CHRM3: variants seen among roughly 807,000 people sequenced by gnomAD.
The protein encoded by CHRM3 is cholinergic receptor muscarinic 3.
Under a neutral mutation model 41.8 loss-of-function variants are expected in CHRM3, and 11 were observed. The ratio of observed to expected loss-of-function variants is 0.26; its 90% CI spans 0.17 to 0.44. The LOEUF (loss-of-function observed/expected upper bound fraction) is 0.44, where lower values mean the gene tolerates loss of function less well. Among genes scored for constraint, CHRM3 ranks in the 20% least tolerant of loss-of-function variants. CHRM3 has a pLI of 1.00. For synonymous variants in CHRM3, 297 were observed against 301.4 expected (o/e 0.99, Z 0.15); for missense variants, 571 against 745.4 (o/e 0.77, Z 2.72).
chr1:239,513,728 C>T (rs551831335), intron 2 of CHRM3, among the ~76,000 whole-genome samples: 146 of 152,106 alleles, frequency 9.6e-4, no homozygotes, highest in African/African-American at 3.2e-3. Context: ...AGAGTTTCTC[C>T]GTTGTTATCT....
At chr1:239,740,961 G>T (rs1220913320) in intron 5 of CHRM3, among the ~76,000 whole-genome samples, 1 of 152,046 alleles carries the variant, frequency 6.6e-6, no homozygotes, top group African/African-American at 2.4e-5. Flanking sequence ...GATTCTCTTA[G>T]CTTAATCTCA....
intron 5 of CHRM3, among the ~76,000 whole-genome samples, chr1:239,683,392 CAG>C (rs71772706): frequency 2.6e-5 from 4 of 151,542 alleles, no homozygotes; most frequent in East Asian, 1.9e-4. Flanking sequence ...TCTGCTGAAG[CAG>C]AGAGAGAGAG....
intron 3 of CHRM3, among the ~76,000 whole-genome samples, chr1:239,612,029 T>C (rs1053461868): frequency 6.6e-6 from 1 of 152,190 alleles, no homozygotes; most frequent in South Asian, 2.1e-4. Context: ...GAGCTCAGGT[T>C]GCTCTGCCTT....
chr1:239,900,208 A>G (rs1367674006), intron 6 of CHRM3, among the ~76,000 whole-genome samples: 1 of 152,216 alleles, frequency 6.6e-6, no homozygotes, highest in Non-Finnish European at 1.5e-5. Context: ...CCTTCTACTC[A>G]GAAAATCACC....
At chr1:239,736,332 T>C (rs1664391564) in intron 5 of CHRM3, among the ~76,000 whole-genome samples, 2 of 152,022 alleles carry the variant, frequency 1.3e-5, no homozygotes, top group Admixed American at 6.6e-5. Flanking sequence ...TGAGGACAAA[T>C]AGTTTGTTAT....
rs141420006 is a variant in CHRM3, at chr1:239,416,050, A to G, written c.-521+28823A>G. Among the ~76,000 whole-genome samples, 1,270 of 152,324 alleles carry G rather than the reference A, an allele frequency of 8.3e-3. 20 individuals are homozygous for G. The highest frequency in any genetic ancestry group is 0.017 in the Middle Eastern group (5 of 294). ...TATTCACTGTTCAGAGAAATAAAAG[A>G]GGCTCTTCAGAAACAGAATTAAGTA... On this transcript the variant is annotated intron_variant, in intron 1 of 6. Coordinates refer to ENST00000676153, the MANE Select transcript of CHRM3 (RefSeq NM_001375978.1).
At chr1:239,874,617 G>A (rs928249991) in intron 6 of CHRM3, among the ~76,000 whole-genome samples, 2 of 151,482 alleles carry the variant, frequency 1.3e-5, no homozygotes, top group African/African-American at 4.9e-5. Flanking sequence ...ACATTCAATG[G>A]TCTTAGTTAA....
intron 6 of CHRM3, among the ~76,000 whole-genome samples, chr1:239,904,253 A>G (rs1369055346): frequency 6.6e-6 from 1 of 152,196 alleles, no homozygotes; most frequent in Non-Finnish European, 1.5e-5. Flanking sequence ...AAATAAACAC[A>G]GGCCCGGTGC....
chr1:239,831,709 C>T (rs980934754), intron 6 of CHRM3, among the ~76,000 whole-genome samples: 1 of 152,064 alleles, frequency 6.6e-6, no homozygotes, highest in Non-Finnish European at 1.5e-5. Context: ...ACATGTGAGG[C>T]CCGGGGGTGC....
At chr1:239,755,910 C>T (rs140726469) in intron 5 of CHRM3, among the ~76,000 whole-genome samples, 126 of 152,286 alleles carry the variant, frequency 8.3e-4, no homozygotes, top group African/African-American at 2.9e-3. Context: ...CAGCATCTTG[C>T]TACAGGGAAT....
intron 6 of CHRM3, among the ~76,000 whole-genome samples, chr1:239,830,544 A>G (rs2149095834): frequency 1.3e-5 from 2 of 152,302 alleles, no homozygotes; most frequent in South Asian, 4.1e-4. Context: ...TCTATTAAAA[A>G]TACAAAAAAA....
chr1:239,482,175 T>G (rs1026735727), intron 1 of CHRM3, among the ~76,000 whole-genome samples: 3 of 152,168 alleles, frequency 2.0e-5, no homozygotes, highest in Non-Finnish European at 4.4e-5. Flanking sequence ...CTGCCTCGGG[T>G]ATGACAGTAA....
At chr1:239,663,981 A>ACATTTTTTCTTT (rs1314252679) in intron 4 of CHRM3, among the ~76,000 whole-genome samples, 4 of 151,612 alleles carry the variant, frequency 2.6e-5, no homozygotes, top group Non-Finnish European at 5.9e-5. Context: ...CTTAAAGAAA[A>ACATTTTTTCTTT]AAATTAACAT....
At chr1:239,668,067 T>C (rs12026175) in intron 4 of CHRM3, among the ~76,000 whole-genome samples, 5,537 of 151,032 alleles carry the variant, frequency 0.037, 240 homozygotes, top group East Asian at 0.11. Context: ...ATACACTTTT[T>C]CTTTTCTTTT....
Position 239,387,478 on chromosome 1 carries a change from G to C in CHRM3, c.-521+251G>C, listed in dbSNP as rs956762536. 6.6e-6 allele frequency among the ~76,000 whole-genome samples: 1 copy of C among 152,012 alleles called. No homozygotes were observed. The highest frequency in any genetic ancestry group is 6.6e-5 in the Admixed American group (1 of 15,266). ...TTGGAGTTCTGGGACTGAGGGTGGG[G>C]AACGCCCGCTGGCACTCAAGTGCCC... On this transcript the variant is annotated intron_variant, in intron 1 of 6. Coordinates refer to ENST00000676153, the MANE Select transcript of CHRM3 (RefSeq NM_001375978.1). The surrounding 1 kb of genome is among the most constrained non-coding windows in gnomAD (Gnocchi z 5.1).
chr1:239,428,774 T>C (rs556501228), intron 1 of CHRM3, among the ~76,000 whole-genome samples: 201 of 152,356 alleles, frequency 1.3e-3, no homozygotes, highest in Non-Finnish European at 2.5e-3. Flanking sequence ...ATTTATCACA[T>C]TGATACACTT....
At chr1:239,581,964 ATGT>A (rs1391901870) in intron 3 of CHRM3, among the ~76,000 whole-genome samples, 1 of 152,230 alleles carries the variant, frequency 6.6e-6, no homozygotes. Flanking sequence ...CTCTGCCATG[ATGT>A]TGTGACAATA....
intron 6 of CHRM3, among the ~76,000 whole-genome samples, chr1:239,874,052 G>A (rs536265769): frequency 1.1e-4 from 17 of 151,720 alleles, no homozygotes; most frequent in Non-Finnish European, 2.4e-4. Flanking sequence ...CTGAAGAGTA[G>A]GGTTTATCCC....
At chr1:239,758,312 G>A (rs1240214902) in intron 5 of CHRM3, among the ~76,000 whole-genome samples, 4 of 152,064 alleles carry the variant, frequency 2.6e-5, no homozygotes, top group Admixed American at 6.6e-5. Flanking sequence ...GTTCATCTTC[G>A]TATTTCCCAC....
Sources: allele counts gnomAD v4.1 joint callset (sites outside exome capture counted in the v4.1 genomes callset), GRCh38; gene constraint gnomAD v4.1.1; non-coding constraint Gnocchi (gnomAD v3.1); transcripts MANE v1.5; gene names NCBI Gene and HGNC (gene_info 2026-07-23, HGNC 2026-07-21).